Variants in ATL1 observed in about 807,000 individuals in gnomAD.
The protein encoded by ATL1 is atlastin GTPase 1.
Under a neutral mutation model 75.5 loss-of-function variants are expected in ATL1, and 31 were observed. The ratio of observed to expected loss-of-function variants is 0.41; its 90% CI spans 0.31 to 0.55. The LOEUF is 0.55. Among genes scored for constraint, ATL1 ranks in the 20% least tolerant of loss-of-function variants. The pLI, the probability that ATL1 is intolerant of heterozygous loss-of-function variation, is 0.27. For synonymous variants in ATL1, 226 were observed against 233.3 expected (o/e 0.97, Z 0.28); for missense variants, 405 against 662.6 (o/e 0.61, Z 4.27).
chr14:50,571,678 A>G (rs571022686), intron 1 of ATL1, among the ~76,000 whole-genome samples: 1 of 152,348 alleles, frequency 6.6e-6, no homozygotes, highest in African/African-American at 2.4e-5. Context: ...GAATAAATCC[A>G]GGCTAGTCAT....
intron 2 of ATL1, 146 bp downstream of exon 2, chr14:50,588,224 C>T (rs941428941): frequency 1.9e-6 from 2 of 1,068,130 alleles, no homozygotes; most frequent in Non-Finnish European, 2.7e-6. Flanking sequence ...TGTAACCATT[C>T]CAACCTCAGT....
chr14:50,555,821 C>G (rs913248215), upstream of ATL1, among the ~76,000 whole-genome samples: 11 of 152,012 alleles, frequency 7.2e-5, no homozygotes, highest in Non-Finnish European at 1.6e-4. Flanking sequence ...TTTGGTTAAG[C>G]CATTTTGTGT....
intron 5 of ATL1, among the ~76,000 whole-genome samples, chr14:50,594,352 G>C (rs1185629567): frequency 6.6e-6 from 1 of 152,122 alleles, no homozygotes. Flanking sequence ...GGATTATGGG[G>C]ATTACAATTT....
upstream of ATL1, among the ~76,000 whole-genome samples, chr14:50,558,014 G>A (rs974552267): frequency 6.6e-6 from 1 of 152,158 alleles, no homozygotes; most frequent in Non-Finnish European, 1.5e-5. Context: ...AAAAAGAATG[G>A]TGATGCATAG....
chr14:50,615,858 C>T (rs1168830699), intron 8 of ATL1, among the ~76,000 whole-genome samples: 1 of 152,134 alleles, frequency 6.6e-6, no homozygotes, highest in Non-Finnish European at 1.5e-5. Context: ...TTTATTGGAA[C>T]TAAAAATGAT....
At chr14:50,629,810 T>A (rs1302503221) in intron 12 of ATL1, among the ~76,000 whole-genome samples, 185 bp from the exon 13 acceptor site, 1 of 152,134 alleles carries the variant, frequency 6.6e-6, no homozygotes, top group Non-Finnish European at 1.5e-5. Flanking sequence ...CTAAAACCTA[T>A]GAGGAATACA....
upstream of ATL1, among the ~76,000 whole-genome samples, chr14:50,557,035 T>G (rs2038773321): frequency 6.6e-6 from 1 of 152,180 alleles, no homozygotes; most frequent in Non-Finnish European, 1.5e-5. Flanking sequence ...ATATGGCAAT[T>G]CTATGTTTAA....
intron 8 of ATL1, among the ~76,000 whole-genome samples, chr14:50,616,514 T>C (rs1219425062): frequency 6.6e-6 from 1 of 151,140 alleles, no homozygotes; most frequent in Non-Finnish European, 1.5e-5. Flanking sequence ...TTTGCAGAGA[T>C]GGGGGTTTCA....
chr14:50,618,859 A>ATGTGTG (rs71441298), intron 8 of ATL1, among the ~76,000 whole-genome samples: 5 of 147,732 alleles, frequency 3.4e-5, no homozygotes, highest in South Asian at 2.1e-4. Flanking sequence ...TATATAATGT[A>ATGTGTG]TGTGTGTGTG....
In ATL1 at chr14:50,587,937, G is replaced by C. The variant is rs2039118223; in HGVS notation, c.141G>C (p.Glu47Asp). ...VLIVKDDHSF[E>D]LDETALNRIL... ...TTGTCAAAGATGACCATTCCTTTGA[G>C]TTAGATGAAACTGCATTAAATCGGA... Residue 47 changes from glutamate to aspartate, a missense_variant, in exon 2 of 14, where the codon GAG (glutamate) becomes GAC (aspartate). Transcript: ENST00000358385. The C allele has an allele frequency of 3.7e-6, 6 of 1,614,058 alleles. No homozygotes were observed. The highest frequency in any genetic ancestry group is 5.1e-6 in the Non-Finnish European group (6 of 1,180,044).
chr14:50,604,383 G>A (rs1336294281), intron 6 of ATL1, among the ~76,000 whole-genome samples: 1 of 151,978 alleles, frequency 6.6e-6, no homozygotes, highest in African/African-American at 2.4e-5. Flanking sequence ...CATGACTTAT[G>A]AGCAAGAACT....
At chr14:50,614,650 G>T in intron 8 of ATL1, 139 bp downstream of exon 8, 1 of 965,672 alleles carries the variant, frequency 1.0e-6, no homozygotes. Context: ...GGAGAATAGG[G>T]CATCCTGGGC....
intron 6 of ATL1, among the ~76,000 whole-genome samples, chr14:50,610,695 G>T (rs1174972177): frequency 1.3e-5 from 2 of 152,080 alleles, no homozygotes; most frequent in Admixed American, 6.6e-5. Flanking sequence ...ATGAGAAAAT[G>T]ATTTATTCAA....
At chr14:50,626,709 G>C (rs913020952) in intron 11 of ATL1, among the ~76,000 whole-genome samples, 1 of 152,192 alleles carries the variant, frequency 6.6e-6, no homozygotes, top group Non-Finnish European at 1.5e-5. Context: ...GATCAAATCA[G>C]GGAAAGTGTG....
intron 1 of ATL1, among the ~76,000 whole-genome samples, chr14:50,563,469 C>G (rs1353903122): frequency 6.6e-6 from 1 of 152,006 alleles, no homozygotes; most frequent in African/African-American, 2.4e-5. Flanking sequence ...CCTTATCTAG[C>G]TAAGTAAGTA....
intron 1 of ATL1, among the ~76,000 whole-genome samples, chr14:50,533,590 T>C (rs1443206203): frequency 6.6e-6 from 1 of 152,166 alleles, no homozygotes; most frequent in Non-Finnish European, 1.5e-5. Context: ...TGTTACATTA[T>C]ACTGGCTAAG....
intron 6 of ATL1, among the ~76,000 whole-genome samples, chr14:50,601,717 G>C (rs1463401851): frequency 6.6e-6 from 1 of 152,128 alleles, no homozygotes; most frequent in Non-Finnish European, 1.5e-5. Flanking sequence ...ATGAGCATTT[G>C]AATTTAAAGT....
At position 50,632,152 on chromosome 14, in the gene ATL1, C is replaced by A. The variant is rs75154648; in HGVS notation, c.1567-77C>A. ...TCAACATGCTAAATTTTATACAGTACGATAAACTAAAAAGGAAAAAATTTT... is the reference window on the plus strand; with the variant it reads ...TCAACATGCTAAATTTTATACAGTAAGATAAACTAAAAAGGAAAAAATTTT... On this transcript the variant is annotated intron_variant, in intron 13 of 13. Coordinates refer to ENST00000358385, the MANE Select transcript of ATL1 (RefSeq NM_015915.5). 6.9e-3 allele frequency: 6,383 copies of A among 923,784 alleles called. 264 individuals are homozygous for A. The African/African-American group carries it at 0.09, about 13-fold the overall frequency. 57.2% of individuals were successfully genotyped at this position (923,784 alleles called of 1,614,324 possible).
intron 1 of ATL1, among the ~76,000 whole-genome samples, chr14:50,544,241 G>A (rs1412207045): frequency 6.6e-6 from 1 of 152,180 alleles, no homozygotes; most frequent in Non-Finnish European, 1.5e-5. Flanking sequence ...ATGAGTTAAG[G>A]GTTATGGGAA....
Sources: gnomAD v4.1 joint callset for allele counts (sites outside exome capture counted in the v4.1 genomes callset) on GRCh38, gnomAD v4.1.1 for gene constraint, MANE v1.5 for transcripts, NCBI Gene and HGNC (gene_info 2026-07-23, HGNC 2026-07-21) for gene names.